Variants in RNF115 observed in about 807,000 individuals in gnomAD.
RNF115 encodes ring finger protein 115.
A neutral mutation model predicts 39.2 loss-of-function variants in RNF115; 31 were observed. That is an observed-to-expected ratio of 0.79 (90% CI 0.59 to 1.07). The LOEUF (loss-of-function observed/expected upper bound fraction) is 1.07, where lower values mean the gene tolerates loss of function less well. Ranked by LOEUF, RNF115 falls within the 50% of genes least tolerant of loss-of-function variation. The probability of loss-of-function intolerance (pLI) is 0.00; values close to 1 mark genes in which losing one functional copy is unlikely to be tolerated. For synonymous variants in RNF115, 124 were observed against 131.0 expected (o/e 0.95, Z 0.37); for missense variants, 384 against 381.7 (o/e 1.01, Z -0.05).
intron 4 of RNF115, among the ~76,000 whole-genome samples, chr1:145,758,771 G>A (rs1658393218): frequency 6.6e-6 from 1 of 152,166 alleles, no homozygotes; most frequent in Non-Finnish European, 1.5e-5. Context: ...CTTACTCTCT[G>A]GAAGTCAGAT....
At chr1:145,789,854 C>A (rs1417892873) in intron 1 of RNF115, among the ~76,000 whole-genome samples, 3 of 151,496 alleles carry the variant, frequency 2.0e-5, no homozygotes, top group Non-Finnish European at 4.4e-5. Context: ...GGATTACAAG[C>A]CCCTGGCTAA....
chr1:145,800,798 G>C (rs1171277223), intron 1 of RNF115, among the ~76,000 whole-genome samples: 2 of 152,148 alleles, frequency 1.3e-5, no homozygotes, highest in African/African-American at 4.8e-5. Flanking sequence ...ATAATAATAA[G>C]TTATTGTATT....
At chr1:145,790,798 A>G (rs1553718844) in intron 1 of RNF115, among the ~76,000 whole-genome samples, 1 of 152,154 alleles carries the variant, frequency 6.6e-6, no homozygotes, top group African/African-American at 2.4e-5. Context: ...AAGCTCCACT[A>G]TATACATATC....
Position 145,743,257 on chromosome 1 carries a change from T to C in RNF115, c.*3609A>G, listed in dbSNP as rs587612947. On this transcript the variant is annotated 3_prime_UTR_variant, in exon 9 of 9. Transcript: ENST00000582693. ...ATGTAAGTGGCCCTCATCCAATCAG[T>C]TGAAGGTCTGAATAGAACAAGTAAG... The C allele has an allele frequency of 1.3e-5, 2 of 152,260 alleles. No individual in the cohort carries two copies. Among genetic ancestry groups the C allele is most frequent in the East Asian group, 1.9e-4 (1 of 5,168 alleles). The allele number at this position is 152,260 out of a possible 1,614,324, so 9.4% of individuals were successfully genotyped here.
intron 4 of RNF115, among the ~76,000 whole-genome samples, chr1:145,769,158 A>C (rs1647523880): frequency 6.6e-6 from 1 of 152,110 alleles, no homozygotes; most frequent in African/African-American, 2.4e-5. Flanking sequence ...ACCAAATACA[A>C]ATACTTTGAT....
chr1:145,742,254 G>A lies in RNF115; in HGVS notation c.*4612C>T, dbSNP rs1411497426. Reference sequence around the variant, plus strand: ...TGCATTTCTTGAGGGAATAGCACCTGGAAACCAGGGAGAAAGAAGCTGAAG... The same window carrying A: ...TGCATTTCTTGAGGGAATAGCACCTAGAAACCAGGGAGAAAGAAGCTGAAG... On this transcript the variant is annotated 3_prime_UTR_variant, in exon 9 of 9. Transcript: ENST00000582693. The A allele has an allele frequency of 6.6e-6, 1 of 152,070 alleles. No homozygotes were observed. The highest frequency in any genetic ancestry group is 1.5e-5 in the Non-Finnish European group (1 of 68,022). The allele number at this position is 152,070 out of a possible 1,614,324, so 9.4% of individuals were successfully genotyped here.
chr1:145,819,903 T>C (rs1650158592), intron 1 of RNF115, among the ~76,000 whole-genome samples: 1 of 152,124 alleles, frequency 6.6e-6, no homozygotes, highest in African/African-American at 2.4e-5. Flanking sequence ...CCAGGTCTAG[T>C]GGTGCAAACC....
intron 4 of RNF115, among the ~76,000 whole-genome samples, chr1:145,756,647 T>C (rs948490419): frequency 1.3e-5 from 2 of 152,034 alleles, no homozygotes; most frequent in South Asian, 4.2e-4. Context: ...TGGGTGTCAG[T>C]AGGGTTAGTT....
intron 3 of RNF115, among the ~76,000 whole-genome samples, chr1:145,778,343 T>A (rs1033306804): frequency 2.6e-5 from 4 of 152,158 alleles, no homozygotes; most frequent in African/African-American, 7.2e-5. Flanking sequence ...TGGAGAAATA[T>A]GTAGTGACTA....
At chr1:145,797,934 T>C (rs587703094) in intron 1 of RNF115, among the ~76,000 whole-genome samples, 4 of 152,354 alleles carry the variant, frequency 2.6e-5, no homozygotes, top group Admixed American at 6.5e-5. Context: ...GTCTTGACCA[T>C]TGGTTTATCA....
intron 1 of RNF115, among the ~76,000 whole-genome samples, chr1:145,822,237 A>G (rs1325961858): frequency 6.6e-6 from 1 of 151,878 alleles, no homozygotes; most frequent in Non-Finnish European, 1.5e-5. Context: ...CCGAGGCAGG[A>G]GACTCTCTTG....
At chr1:145,809,135 G>A (rs1649585625) in intron 1 of RNF115, among the ~76,000 whole-genome samples, 1 of 151,600 alleles carries the variant, frequency 6.6e-6, no homozygotes, top group South Asian at 2.1e-4. Context: ...GCTGCTTTGA[G>A]CCAACCCTTT....
intron 1 of RNF115, among the ~76,000 whole-genome samples, chr1:145,800,337 A>G (rs1553720722): frequency 1.3e-5 from 2 of 152,162 alleles, no homozygotes; most frequent in African/African-American, 2.4e-5. Flanking sequence ...AAACAAGAAA[A>G]TGAAAAAAAA....
chr1:145,750,571 G>A, intron 6 of RNF115, 71 bp from the exon 7 acceptor site: 1 of 1,172,808 alleles, frequency 8.5e-7, no homozygotes. Flanking sequence ...AACTGCTCCA[G>A]CTGAGAACAA....
Position 145,751,466 on chromosome 1 carries a change from T to C in RNF115, c.545A>G (p.Gln182Arg). ...HSNPGDYAWGQTGLDAIVTQL... is the reference protein window; with the variant it reads ...HSNPGDYAWGRTGLDAIVTQL... ...GGTTACAATGGCATCAAGCCCTGTCTGACCCCAGGCATAGTCCCCAGGGTT... is the reference window on the plus strand; with the variant it reads ...GGTTACAATGGCATCAAGCCCTGTCCGACCCCAGGCATAGTCCCCAGGGTT... Residue 182 changes from glutamine to arginine, a missense_variant, in exon 6 of 9, where the codon CAG becomes CGG. Transcript: ENST00000582693. The C allele has an allele frequency of 6.3e-7, 1 of 1,594,266 alleles. No homozygotes were observed. Among genetic ancestry groups the C allele is most frequent in the East Asian group, 2.3e-5 (1 of 44,298 alleles).
intron 4 of RNF115, among the ~76,000 whole-genome samples, chr1:145,764,134 T>C (rs1553714299): frequency 6.6e-6 from 1 of 152,212 alleles, no homozygotes. Context: ...CGGGCTGGTC[T>C]CCAGCTCCTA....
chr1:145,788,916 A>G lies in RNF115; in HGVS notation c.153T>C (p.Asp51=). The G allele has an allele frequency of 6.3e-7, 1 of 1,595,652 alleles. No homozygotes were observed. Among genetic ancestry groups the G allele is most frequent in the Admixed American group, 1.7e-5 (1 of 60,000 alleles). ...ATGAGCTTGTACAATACCTGGAATC[A>G]TCTGTCACTTCTTCAATAAAGCCTG... The part of the protein sequence containing the change: ...CESGFIEEVT[D]DSSFLGGGGS... The change falls in exon 2 of 9, where the codon GAT becomes GAC. Residue 51 remains aspartate (D), a synonymous_variant. Coordinates refer to ENST00000582693, the MANE Select transcript of RNF115 (RefSeq NM_014455.4).
intron 1 of RNF115, among the ~76,000 whole-genome samples, chr1:145,793,551 A>G (rs1648780305): frequency 6.6e-6 from 1 of 151,900 alleles, no homozygotes; most frequent in Admixed American, 6.6e-5. Context: ...CCAAATGTGT[A>G]TCTCTATCCC....
chr1:145,799,520 C>A (rs1227492455), intron 1 of RNF115, among the ~76,000 whole-genome samples: 1 of 139,200 alleles, frequency 7.2e-6, no homozygotes, highest in Non-Finnish European at 1.5e-5. Flanking sequence ...GAATGGGCAT[C>A]TTTGCCATGT....
Sources: allele counts gnomAD v4.1 joint callset (sites outside exome capture counted in the v4.1 genomes callset), GRCh38; gene constraint gnomAD v4.1.1; transcripts MANE v1.5; gene names NCBI Gene and HGNC (gene_info 2026-07-23, HGNC 2026-07-21).